The following HSD17B6 variants were observed in gnomAD, a reference collection of about 807,000 sequenced individuals.
HSD17B6 encodes the protein hydroxysteroid 17-beta dehydrogenase 6.
Under a neutral mutation model 26.4 loss-of-function variants are expected in HSD17B6, and 16 were observed. The ratio of observed to expected loss-of-function variants is 0.61; its 90% CI spans 0.41 to 0.92. The LOEUF is 0.92. HSD17B6 is among the 40% of genes least tolerant of loss of function. The pLI is 0.00. For missense variants in HSD17B6, 357 were observed against 386.1 expected, an observed-to-expected ratio of 0.92 and a Z score of 0.63; for synonymous variants, 139 against 153.0, an observed-to-expected ratio of 0.91 and a Z score of 0.68.
intron 2 of HSD17B6, among the ~76,000 whole-genome samples, chr12:56,775,858 C>T (rs1954580276): frequency 6.6e-6 from 1 of 152,188 alleles, no homozygotes; most frequent in South Asian, 2.1e-4. Flanking sequence ...CATCACTCCC[C>T]ACATTCCTGG....
intron 4 of HSD17B6, among the ~76,000 whole-genome samples, chr12:56,786,366 C>T (rs1479491677): frequency 1.3e-5 from 2 of 151,416 alleles, no homozygotes; most frequent in Admixed American, 6.6e-5. Context: ...TCTCTTGTCT[C>T]AGCTTCCTGA....
At chr12:56,767,465 C>T (rs1246846406) in intron 1 of HSD17B6, among the ~76,000 whole-genome samples, 2 of 150,332 alleles carry the variant, frequency 1.3e-5, no homozygotes, top group Admixed American at 6.7e-5. Context: ...TGCAGTGAGC[C>T]GAGATCGCGC....
chr12:56,767,405 T>C (rs1954354364), intron 1 of HSD17B6, among the ~76,000 whole-genome samples: 1 of 150,558 alleles, frequency 6.6e-6, no homozygotes, highest in South Asian at 2.1e-4. Flanking sequence ...TAGTCCCAGC[T>C]ACTCGGGAGG....
intron 1 of HSD17B6, among the ~76,000 whole-genome samples, chr12:56,768,775 A>T (rs1350585133): frequency 4.8e-5 from 3 of 62,720 alleles, no homozygotes; most frequent in Non-Finnish European, 9.3e-5. Flanking sequence ...GGCGGGGGGG[A>T]GGGGGCGCAG....
intron 2 of HSD17B6, among the ~76,000 whole-genome samples, chr12:56,775,864 C>T (rs11171968): frequency 1.7e-3 from 259 of 152,314 alleles, no homozygotes; most frequent in Middle Eastern, 6.8e-3. Context: ...TCCCCACATT[C>T]CTGGCAACCA....
At chr12:56,787,072 T>G in intron 4 of HSD17B6, 53 bp from the exon 5 acceptor site, 1 of 1,398,670 alleles carries the variant, frequency 7.1e-7, no homozygotes, top group Non-Finnish European at 1.0e-6. Flanking sequence ...CTGCATGATC[T>G]TAAAAATATA....
intron 3 of HSD17B6, among the ~76,000 whole-genome samples, chr12:56,783,507 C>T (rs1190437051): frequency 6.8e-6 from 1 of 146,018 alleles, no homozygotes; most frequent in Non-Finnish European, 1.5e-5. Context: ...CCCCCCACCT[C>T]CCTCCCGGAT....
chr12:56,784,269 C>T (rs557447235), intron 3 of HSD17B6, among the ~76,000 whole-genome samples: 58 of 152,188 alleles, frequency 3.8e-4, no homozygotes, highest in African/African-American at 1.3e-3. Context: ...ACTTCCCAGA[C>T]GGGGTGGCAG....
chr12:56,777,170 C>G (rs1046369884), intron 2 of HSD17B6, among the ~76,000 whole-genome samples: 1 of 152,122 alleles, frequency 6.6e-6, no homozygotes, highest in African/African-American at 2.4e-5. Context: ...ATTGCTTGAG[C>G]AGGAGTTTGA....
intron 1 of HSD17B6, among the ~76,000 whole-genome samples, chr12:56,764,376 A>G (rs1379948503): frequency 6.6e-6 from 1 of 152,164 alleles, no homozygotes; most frequent in African/African-American, 2.4e-5. Context: ...TCCTCGCTTG[A>G]GACAGAAGGA....
chr12:56,775,451 A>C (rs1954572126), intron 2 of HSD17B6, among the ~76,000 whole-genome samples: 1 of 152,122 alleles, frequency 6.6e-6, no homozygotes, highest in Non-Finnish European at 1.5e-5. Context: ...AGATGTTCTT[A>C]AGAATCTGAT....
intron 4 of HSD17B6, 29 bp from the exon 5 acceptor site, chr12:56,787,096 T>A: frequency 6.6e-7 from 1 of 1,512,012 alleles, no homozygotes; most frequent in African/African-American, 1.4e-5. Context: ...AATAAGATTG[T>A]TGACCACCAT....
intron 2 of HSD17B6, among the ~76,000 whole-genome samples, chr12:56,776,128 G>A (rs1450492692): frequency 6.6e-6 from 1 of 152,052 alleles, no homozygotes; most frequent in African/African-American, 2.4e-5. Context: ...TTTTCACCAT[G>A]TTGGCCAGGC....
At chr12:56,779,861 C>T (rs923036987) in intron 2 of HSD17B6, among the ~76,000 whole-genome samples, 1 of 120,098 alleles carries the variant, frequency 8.3e-6, no homozygotes, top group Non-Finnish European at 1.7e-5. Flanking sequence ...TTGCTTTCTT[C>T]GTTACCGAAT....
chr12:56,777,907 C>G (rs973795279), intron 2 of HSD17B6, among the ~76,000 whole-genome samples: 1 of 152,116 alleles, frequency 6.6e-6, no homozygotes, highest in African/African-American at 2.4e-5. Flanking sequence ...GTTCTTAACT[C>G]CCCCAGGCAG....
At chr12:56,767,865 G>A (rs977118319) in intron 1 of HSD17B6, among the ~76,000 whole-genome samples, 6 of 146,872 alleles carry the variant, frequency 4.1e-5, no homozygotes, top group Non-Finnish European at 7.4e-5. Context: ...GTGTGTATAC[G>A]TGTATATATA....
intron 2 of HSD17B6, among the ~76,000 whole-genome samples, chr12:56,776,238 T>C (rs1194224435): frequency 1.3e-5 from 2 of 152,032 alleles, no homozygotes; most frequent in Admixed American, 1.3e-4. Context: ...AATAATGTTA[T>C]ATGTAGTCTT....
chr12:56,784,283 G>A (rs1330832632), intron 3 of HSD17B6, among the ~76,000 whole-genome samples: 1 of 152,168 alleles, frequency 6.6e-6, no homozygotes, highest in Non-Finnish European at 1.5e-5. Flanking sequence ...GTGGCAGCCG[G>A]GCAGAGGCTG....
At chr12:56,765,292 C>T (rs1421788454) in intron 1 of HSD17B6, among the ~76,000 whole-genome samples, 3 of 151,740 alleles carry the variant, frequency 2.0e-5, no homozygotes, top group Non-Finnish European at 4.4e-5. Context: ...AAAAATTAGC[C>T]GGGCATGGTG....
Sources: gnomAD v4.1 joint callset for allele counts (sites outside exome capture counted in the v4.1 genomes callset) on GRCh38, gnomAD v4.1.1 for gene constraint, MANE v1.5 for transcripts, NCBI Gene and HGNC (gene_info 2026-07-23, HGNC 2026-07-21) for gene names.